TFG: variants seen among roughly 807,000 people sequenced by gnomAD.
TFG encodes trafficking from ER to golgi regulator.
TFG carries 22 observed loss-of-function variants against 51.4 expected under a neutral mutation model. The ratio of observed to expected loss-of-function variants is 0.43; its 90% CI spans 0.31 to 0.61. The LOEUF (loss-of-function observed/expected upper bound fraction) is 0.61, where lower values mean the gene tolerates loss of function less well. Among genes scored for constraint, TFG ranks in the 20% least tolerant of loss-of-function variants. TFG has a pLI of 0.12. For synonymous variants in TFG, 187 were observed against 165.6 expected, an observed-to-expected ratio of 1.13 and a Z score of -0.99; for missense variants, 419 against 487.7, an observed-to-expected ratio of 0.86 and a Z score of 1.33.
intron 2 of TFG, among the ~76,000 whole-genome samples, chr3:100,719,156 A>T (rs967856948): frequency 6.6e-6 from 1 of 152,150 alleles, no homozygotes; most frequent in East Asian, 1.9e-4. Context: ...AATCCAACTA[A>T]TTAGTGTTAA....
intron 3 of TFG, among the ~76,000 whole-genome samples, chr3:100,722,524 A>G (rs1337788974): frequency 6.6e-6 from 1 of 152,214 alleles, no homozygotes; most frequent in Non-Finnish European, 1.5e-5. Context: ...CAGATTCAGA[A>G]GGCACGGGGA....
Position 100,723,749 on chromosome 3 carries a change from T to G in TFG, c.268+3691T>G, listed in dbSNP as rs78836077. On this transcript the variant is annotated intron_variant, in intron 3 of 7. Coordinates refer to ENST00000240851, the MANE Select transcript of TFG (RefSeq NM_006070.6). ...GACAGAACAAAGAGAAATCAATAAA[T>G]TTACAATTATGGGAGAGCCGATAAA... Among the ~76,000 whole-genome samples, 40 of 152,200 alleles carry G rather than the reference T, an allele frequency of 2.6e-4. No homozygotes were observed. The East Asian group carries it at 7.5e-3, about 29-fold the overall frequency.
intron 3 of TFG, among the ~76,000 whole-genome samples, chr3:100,722,630 C>A (rs894444857): frequency 6.6e-6 from 1 of 152,000 alleles, no homozygotes; most frequent in African/African-American, 2.4e-5. Flanking sequence ...TTAAAAGTAG[C>A]CAGAGAGAAT....
At chr3:100,712,058 A>G (rs2095032828) in intron 1 of TFG, among the ~76,000 whole-genome samples, 1 of 152,118 alleles carries the variant, frequency 6.6e-6, no homozygotes, top group African/African-American at 2.4e-5. Flanking sequence ...AGTGGAATGC[A>G]GTTCACTCTG....
intron 1 of TFG, among the ~76,000 whole-genome samples, 166 bp from the exon 2 acceptor site, chr3:100,713,477 T>C (rs139823622): frequency 1.1e-4 from 16 of 152,366 alleles, no homozygotes; most frequent in South Asian, 4.1e-4. Context: ...TATTTTATTA[T>C]CCCTACAGTA....
In TFG at chr3:100,736,677, C is replaced by T. The variant is rs747882521; in HGVS notation, c.682C>T (p.Pro228Ser). The change falls in exon 6 of 8, where the codon CCA becomes TCA. Residue 228 changes from proline (P) to serine (S), a missense_variant. Around this residue, in one of 3 missense-constraint regions of TFG, gnomAD observed 391 missense variants for 434.4 expected, o/e 0.90. Transcript: ENST00000240851. Reference sequence around the variant, plus strand: ...ACCAGGCGTTCAGCCACAGCAGCCACCATATACAGGAGCTCAGACTCAAGC... The same window carrying T: ...ACCAGGCGTTCAGCCACAGCAGCCATCATATACAGGAGCTCAGACTCAAGC... ...HPPGVQPQQP[P>S]YTGAQTQAGQ... The T allele has an allele frequency of 1.9e-6, 3 of 1,613,956 alleles. No homozygotes were observed. In the Admixed American group the frequency reaches 5.0e-5, roughly 27 times the overall value.
chr3:100,715,790 A>G (rs1447466810), intron 2 of TFG, among the ~76,000 whole-genome samples: 1 of 151,380 alleles, frequency 6.6e-6, no homozygotes, highest in African/African-American at 2.4e-5. Context: ...GCATGATTAT[A>G]GCTCATCATA....
chr3:100,717,955 T>C (rs2095050799), intron 2 of TFG, among the ~76,000 whole-genome samples: 1 of 152,182 alleles, frequency 6.6e-6, no homozygotes, highest in African/African-American at 2.4e-5. Flanking sequence ...GACAGGGTCT[T>C]GCTCTGTCTC....
chr3:100,709,953 G>C (rs1239443177), intron 1 of TFG: 5 of 149,702 alleles, frequency 3.3e-5, no homozygotes, highest in Admixed American at 2.6e-4. Context: ...GGTCGCGGAG[G>C]GGGAGGGGAG....
chr3:100,720,766 A>G (rs1004763561), intron 3 of TFG, among the ~76,000 whole-genome samples: 3 of 152,178 alleles, frequency 2.0e-5, no homozygotes, highest in Non-Finnish European at 4.4e-5. Context: ...CCAATAGAAG[A>G]CTAATTTTAA....
Position 100,748,662 on chromosome 3 carries a change from G to C in TFG, c.*131G>C, listed in dbSNP as rs2095158008. ...AGCATTTTTTATGATATCATTGTTG[G>C]TGTTAATTGAAAGTATAATTTGCTG... On this transcript the variant is annotated 3_prime_UTR_variant, in exon 8 of 8. Transcript: ENST00000240851. 1.9e-6 allele frequency: 2 copies of C among 1,058,174 alleles called. No homozygotes were observed. The highest frequency in any genetic ancestry group is 2.6e-6 in the Non-Finnish European group (2 of 770,268). The allele number at this position is 1,058,174 out of a possible 1,614,324, so 65.5% of individuals were successfully genotyped here.
chr3:100,716,895 G>A (rs2095048000), intron 2 of TFG, among the ~76,000 whole-genome samples: 1 of 151,964 alleles, frequency 6.6e-6, no homozygotes, highest in Non-Finnish European at 1.5e-5. Flanking sequence ...CGGATTGATT[G>A]TTTTTTAGCT....
intron 3 of TFG, among the ~76,000 whole-genome samples, chr3:100,725,840 G>C (rs992182669): frequency 2.0e-5 from 3 of 152,028 alleles, no homozygotes; most frequent in African/African-American, 7.2e-5. Flanking sequence ...TGGGTGTTTA[G>C]TAAGTTTATC....
intron 2 of TFG, 116 bp downstream of exon 2, chr3:100,713,985 C>G: frequency 1.8e-6 from 1 of 566,730 alleles, no homozygotes; most frequent in African/African-American, 1.9e-5. Context: ...AGTGTCACCT[C>G]AAACTCCTGG....
chr3:100,715,315 A>C (rs751918979), intron 2 of TFG, among the ~76,000 whole-genome samples: 1 of 152,236 alleles, frequency 6.6e-6, no homozygotes, highest in Non-Finnish European at 1.5e-5. Flanking sequence ...CAAGCAGATG[A>C]GTGAAGACAG....
chr3:100,713,880 T>C lies in TFG; in HGVS notation c.184+11T>C, dbSNP rs200924045. ...AGTATAAAGATGAAGGTAAGAGTGTTTTTAAAGCTATTTTTTAAAGTCTTT... is the reference window on the plus strand; with the variant it reads ...AGTATAAAGATGAAGGTAAGAGTGTCTTTAAAGCTATTTTTTAAAGTCTTT... On this transcript the variant is annotated intron_variant, in intron 2 of 7. Coordinates refer to ENST00000240851, the MANE Select transcript of TFG (RefSeq NM_006070.6). The C allele has an allele frequency of 4.7e-4, 664 of 1,421,080 alleles. 2 individuals are homozygous for C. In the African/African-American group the frequency reaches 9.1e-3, roughly 19 times the overall value. 88.0% of individuals were successfully genotyped at this position (1,421,080 alleles called of 1,614,324 possible).
At position 100,748,463 on chromosome 3, in the gene TFG, A is replaced by G; in HGVS notation, c.1135A>G (p.Asn379Asp). ...STMTPPPSGP[N>D]PYARNRPPFG... is the part of the protein sequence containing the mutation. ...CATGACCCCTCCTCCAAGTGGGCCT[A>G]ATCCTTATGCGCGTAACCGTCCTCC... The change falls in exon 8 of 8, where the codon AAT becomes GAT. Residue 379 changes from asparagine (N) to aspartate (D), a missense_variant. Around this residue, in one of 3 missense-constraint regions of TFG, gnomAD observed 391 missense variants for 434.4 expected, o/e 0.90. Coordinates refer to ENST00000240851, the MANE Select transcript of TFG (RefSeq NM_006070.6). The G allele has an allele frequency of 1.2e-6, 2 of 1,614,088 alleles. No individual in the cohort carries two copies. Among genetic ancestry groups the G allele is most frequent in the Non-Finnish European group, 1.7e-6 (2 of 1,179,984 alleles).
At chr3:100,739,955 C>G (rs2095116795) in intron 6 of TFG, among the ~76,000 whole-genome samples, 1 of 152,052 alleles carries the variant, frequency 6.6e-6, no homozygotes, top group Non-Finnish European at 1.5e-5. Flanking sequence ...AACAGTGATT[C>G]TTAATGTCAA....
At chr3:100,729,027 CAG>C in intron 4 of TFG, among the ~76,000 whole-genome samples, 169 bp downstream of exon 4, 1 of 152,286 alleles carries the variant, frequency 6.6e-6, no homozygotes, top group Admixed American at 6.5e-5. Flanking sequence ...TGCTGTTCAT[CAG>C]AATTACTAGG....
Sources: allele counts gnomAD v4.1 joint callset (sites outside exome capture counted in the v4.1 genomes callset), GRCh38; gene constraint gnomAD v4.1.1; regional missense constraint gnomAD v4.1.1; transcripts MANE v1.5; gene names NCBI Gene and HGNC (gene_info 2026-07-23, HGNC 2026-07-21).